The following EYA2 variants were observed in gnomAD, a reference collection of about 807,000 sequenced individuals.
EYA2 encodes the protein protein phosphatase EYA2.
In EYA2, 31 loss-of-function variants were observed where a neutral mutation model predicts 69.2. The observed-to-expected ratio is 0.45, with a 90% CI of 0.34 to 0.60. The LOEUF is 0.60. Ranked by LOEUF, EYA2 falls within the 20% of genes least tolerant of loss-of-function variation. The pLI is 0.02. For synonymous variants in EYA2, 257 were observed against 279.4 expected (o/e 0.92, Z 0.80); for missense variants, 622 against 701.2 (o/e 0.89, Z 1.28).
Position 47,031,721 on chromosome 20 carries a change from T to C in EYA2, c.415+15424T>C, listed in dbSNP as rs532954116. 1.2e-3 allele frequency among the ~76,000 whole-genome samples: 180 copies of C among 152,288 alleles called. 2 individuals are homozygous for C. Among genetic ancestry groups the C allele is most frequent in the African/African-American group, 4.2e-3 (175 of 41,552 alleles). On this transcript the variant is annotated intron_variant, in intron 5 of 15. Coordinates refer to ENST00000327619, the MANE Select transcript of EYA2 (RefSeq NM_005244.5). ...ATCATTTTTATTTCTGACGTTTCGA[T>C]GAAATGAGAACTGGGCCCACAACCA...
chr20:46,907,136 T>C (rs188478627), intron 1 of EYA2, among the ~76,000 whole-genome samples: 2 of 152,328 alleles, frequency 1.3e-5, no homozygotes, highest in East Asian at 3.9e-4. Context: ...ACAGTGATTG[T>C]TAAAAGCTAT....
intron 5 of EYA2, among the ~76,000 whole-genome samples, chr20:47,023,344 G>A (rs189359078): frequency 7.3e-5 from 11 of 150,838 alleles, no homozygotes; most frequent in African/African-American, 2.7e-4. Flanking sequence ...GCTTCTAAGG[G>A]TTTCTCTATC....
chr20:46,920,287 G>T (rs1985122958), intron 1 of EYA2, among the ~76,000 whole-genome samples: 1 of 151,636 alleles, frequency 6.6e-6, no homozygotes, highest in South Asian at 2.1e-4. Flanking sequence ...ATAAAACGAG[G>T]TCTTCCTGTA....
intron 1 of EYA2, among the ~76,000 whole-genome samples, chr20:46,904,772 A>G (rs1324377075): frequency 2.0e-5 from 3 of 152,214 alleles, no homozygotes; most frequent in Non-Finnish European, 2.9e-5. Context: ...GATATGCTAT[A>G]TGAGCAAACC....
At chr20:47,175,870 CCTAGAGTTGATAGA>C (rs1372464299) in intron 12 of EYA2, among the ~76,000 whole-genome samples, 1 of 152,106 alleles carries the variant, frequency 6.6e-6, no homozygotes, top group Non-Finnish European at 1.5e-5. Flanking sequence ...CGTGTGTTCT[CCTAGAGTTGATAGA>C]CTAATGAGAA....
intron 1 of EYA2, among the ~76,000 whole-genome samples, chr20:46,912,925 C>G (rs1984724877): frequency 6.6e-6 from 1 of 151,678 alleles, no homozygotes; most frequent in African/African-American, 2.4e-5. Flanking sequence ...TGGTCTCGAT[C>G]TCCTGACCTC....
At chr20:46,920,366 A>G (rs1222267901) in intron 1 of EYA2, among the ~76,000 whole-genome samples, 1 of 152,152 alleles carries the variant, frequency 6.6e-6, no homozygotes, top group African/African-American at 2.4e-5. Flanking sequence ...TACTGTTCCA[A>G]TTTAAAAAAT....
At chr20:47,010,812 T>C (rs1205661180) in intron 4 of EYA2, among the ~76,000 whole-genome samples, 2 of 147,470 alleles carry the variant, frequency 1.4e-5, no homozygotes, top group Non-Finnish European at 3.0e-5. Context: ...TTTTGAGATG[T>C]AGTCTTGCTG....
chr20:46,925,305 G>A (rs1985366825), intron 1 of EYA2, among the ~76,000 whole-genome samples: 1 of 152,110 alleles, frequency 6.6e-6, no homozygotes, highest in Non-Finnish European at 1.5e-5. Flanking sequence ...AAGCACTCAA[G>A]GGCTAGGAAA....
intron 2 of EYA2, among the ~76,000 whole-genome samples, chr20:46,993,436 C>T (rs1159125622): frequency 6.6e-6 from 1 of 152,200 alleles, no homozygotes; most frequent in Non-Finnish European, 1.5e-5. Flanking sequence ...TCTGCTGTTT[C>T]CTCTGTCTGG....
intron 8 of EYA2, among the ~76,000 whole-genome samples, chr20:47,095,448 A>G (rs1410071513): frequency 6.6e-6 from 1 of 152,162 alleles, no homozygotes; most frequent in East Asian, 1.9e-4. Context: ...AAATTTTCAG[A>G]TCTGTAGAAA....
Position 47,099,778 on chromosome 20 carries a change from C to T in EYA2, c.888+2610C>T, listed in dbSNP as rs1207078496. 2.6e-5 allele frequency among the ~76,000 whole-genome samples: 4 copies of T among 151,930 alleles called. No homozygotes were observed. The South Asian group carries it at 6.3e-4, about 24-fold the overall frequency. Reference sequence around the variant, plus strand: ...TCAGTACTCCTCTCCATCTAAATTGCGTCTGTCCTCATAACTGTGTTTTCC... The same window carrying T: ...TCAGTACTCCTCTCCATCTAAATTGTGTCTGTCCTCATAACTGTGTTTTCC... On this transcript the variant is annotated intron_variant, in intron 9 of 15. Coordinates refer to ENST00000327619, the MANE Select transcript of EYA2 (RefSeq NM_005244.5).
intron 13 of EYA2, 57 bp from the exon 14 acceptor site, chr20:47,180,758 G>A: frequency 1.9e-6 from 3 of 1,590,586 alleles, no homozygotes; most frequent in South Asian, 2.3e-5. Context: ...TGCAGCAAGA[G>A]GAGGCCTGGC....
intron 10 of EYA2, among the ~76,000 whole-genome samples, chr20:47,144,903 G>A (rs956182283): frequency 4.3e-4 from 66 of 152,202 alleles, no homozygotes; most frequent in African/African-American, 1.1e-3. Context: ...AACTGTGGCC[G>A]TTGAATTCAG....
chr20:47,127,815 C>T (rs1311361814), intron 9 of EYA2, among the ~76,000 whole-genome samples: 2 of 152,210 alleles, frequency 1.3e-5, no homozygotes, highest in South Asian at 2.1e-4. Context: ...GAGCAAGGGC[C>T]GTAGGCTTCG....
At chr20:47,054,006 G>A (rs947349155) in intron 5 of EYA2, among the ~76,000 whole-genome samples, 1 of 151,946 alleles carries the variant, frequency 6.6e-6, no homozygotes, top group Non-Finnish European at 1.5e-5. Context: ...GGATGGTATT[G>A]ATGATGACAC....
In EYA2 at chr20:47,054,954, G is replaced by A. The variant is rs535125250; in HGVS notation, c.416-17231G>A. Among the ~76,000 whole-genome samples, 6 of 152,294 alleles carry A rather than the reference G, an allele frequency of 3.9e-5. No homozygotes were observed. In the East Asian group the frequency reaches 9.6e-4, roughly 24 times the overall value. ...AGCTCAAACATGTCAGCCAGATTTGGTTCCTCTTTCTGTCTCTCTTTTTCT... is the reference window on the plus strand; with the variant it reads ...AGCTCAAACATGTCAGCCAGATTTGATTCCTCTTTCTGTCTCTCTTTTTCT... On this transcript the variant is annotated intron_variant, in intron 5 of 15. Coordinates refer to ENST00000327619, the MANE Select transcript of EYA2 (RefSeq NM_005244.5).
At chr20:47,177,350 G>A (rs543056427) in intron 12 of EYA2, among the ~76,000 whole-genome samples, 60 of 152,058 alleles carry the variant, frequency 3.9e-4, no homozygotes, top group African/African-American at 1.3e-3. Flanking sequence ...TGGCTCAAGC[G>A]ATCCTCCCAC....
At chr20:47,071,866 T>C in intron 5 of EYA2, 1 of 275,540 alleles carries the variant, frequency 3.6e-6, no homozygotes, top group Non-Finnish European at 7.0e-6. Context: ...GCCGCCAACA[T>C]GCCATCCGGA....
Sources: gnomAD v4.1 joint callset for allele counts (sites outside exome capture counted in the v4.1 genomes callset) on GRCh38, gnomAD v4.1.1 for gene constraint, MANE v1.5 for transcripts, NCBI Gene and HGNC (gene_info 2026-07-23, HGNC 2026-07-21) for gene names.